The following ZNF540 variants were observed in gnomAD, a reference collection of about 807,000 sequenced individuals.
The protein encoded by ZNF540 is CTD-3064H18.6.
A neutral mutation model predicts 11.8 loss-of-function variants in ZNF540; 3 were observed. The observed-to-expected ratio is 0.25, with a 90% CI of 0.12 to 0.65. The LOEUF is 0.65. ZNF540 is among the 30% of genes least tolerant of loss of function. ZNF540 has a pLI of 0.83. For missense variants in ZNF540, 709 were observed against 793.1 expected, an observed-to-expected ratio of 0.89 and a Z score of 1.27; for synonymous variants, 247 against 259.0, an observed-to-expected ratio of 0.95 and a Z score of 0.45.
intron 1 of ZNF540, among the ~76,000 whole-genome samples, chr19:37,572,989 G>T (rs1227035442): frequency 2.0e-5 from 3 of 152,086 alleles, no homozygotes; most frequent in African/African-American, 7.2e-5. Flanking sequence ...ATTTGTACTA[G>T]TAGCTTCTTT....
chr19:37,584,920 C>T (rs1298030333), intron 1 of ZNF540, among the ~76,000 whole-genome samples: 1 of 149,758 alleles, frequency 6.7e-6, no homozygotes, highest in East Asian at 2.0e-4. Flanking sequence ...GCCGAGATTG[C>T]GCCACTGCAC....
intron 1 of ZNF540, among the ~76,000 whole-genome samples, chr19:37,573,832 CAAAAAAAAAAAAAGAAA>C (rs913200096): frequency 3.7e-4 from 44 of 117,788 alleles, no homozygotes; most frequent in Admixed American, 3.6e-4. Flanking sequence ...GATCCTGTTT[CAAAAAAAAAAAAAGAAA>C]GAAAAAGAAA....
chr19:37,568,319 C>T (rs942532848), intron 1 of ZNF540, among the ~76,000 whole-genome samples: 4 of 148,044 alleles, frequency 2.7e-5, no homozygotes, highest in African/African-American at 5.0e-5. Flanking sequence ...AAGCAACTAC[C>T]CCCCCCCACT....
chr19:37,585,730 C>CA (rs773039792), intron 1 of ZNF540: 4 of 152,186 alleles, frequency 2.6e-5, no homozygotes, highest in Non-Finnish European at 4.4e-5. Flanking sequence ...AATTTCGTTA[C>CA]AAAACCTATG....
At chr19:37,570,548 C>T (rs1049604344) in intron 1 of ZNF540, among the ~76,000 whole-genome samples, 3 of 152,144 alleles carry the variant, frequency 2.0e-5, no homozygotes, top group Non-Finnish European at 4.4e-5. Context: ...CATCATAGAA[C>T]TAATTGTATT....
Position 37,602,353 on chromosome 19 carries a change from A to T in ZNF540, c.232+1248A>T, listed in dbSNP as rs112975423. Among the ~76,000 whole-genome samples, 695 of 152,316 alleles carry T rather than the reference A, an allele frequency of 4.6e-3. 4 individuals are homozygous for T. The highest frequency in any genetic ancestry group is 0.016 in the African/African-American group (673 of 41,572). ...GAACAGAGATGGTAGGATGAGTTAT[A>T]TTAACTTGGGTGTCCAGCCAATCAA... is the stretch of plus-strand genomic sequence containing the variant. On this transcript the variant is annotated intron_variant, in intron 4 of 4. Coordinates refer to ENST00000316433, the MANE Select transcript of ZNF540 (RefSeq NM_001172225.3).
At chr19:37,566,101 A>G (rs764247062) in intron 1 of ZNF540, 1 of 1,614,052 alleles carries the variant, frequency 6.2e-7, no homozygotes, top group Non-Finnish European at 8.5e-7. Flanking sequence ...TAATTTTGAC[A>G]CACATGTAAA....
intron 1 of ZNF540, chr19:37,556,096 C>T: frequency 1.4e-6 from 1 of 701,730 alleles, no homozygotes; most frequent in Non-Finnish European, 2.6e-6. Context: ...AATCCTGCTG[C>T]AAGGTTGACA....
At chr19:37,556,065 G>C (rs10420552) in intron 1 of ZNF540, 1 of 702,516 alleles carries the variant, frequency 1.4e-6, no homozygotes, top group Non-Finnish European at 2.6e-6. Context: ...TCCACATCCA[G>C]TTTGGCTCCT....
intron 1 of ZNF540, chr19:37,586,540 G>T: frequency 9.7e-7 from 1 of 1,025,662 alleles, no homozygotes; most frequent in Non-Finnish European, 1.5e-6. Context: ...TTACTCGCTA[G>T]AATGGGAGAC....
At chr19:37,605,223 G>A (rs569081418) in intron 4 of ZNF540, among the ~76,000 whole-genome samples, 156 of 152,280 alleles carry the variant, frequency 1.0e-3, no homozygotes, top group African/African-American at 3.6e-3. Flanking sequence ...CACTTTGGGA[G>A]GCTAAGGCAG....
chr19:37,577,338 G>A (rs1308155648), intron 1 of ZNF540, among the ~76,000 whole-genome samples: 3 of 152,090 alleles, frequency 2.0e-5, no homozygotes, highest in African/African-American at 7.2e-5. Flanking sequence ...ACATCTGGAA[G>A]GTTTCATATT....
upstream of ZNF540, chr19:37,594,287 CG>C (rs995661510): frequency 2.6e-5 from 4 of 152,242 alleles, no homozygotes; most frequent in African/African-American, 7.2e-5. Flanking sequence ...CCGTGTCACA[CG>C]AGGAGTACTG....
intron 1 of ZNF540, among the ~76,000 whole-genome samples, chr19:37,553,263 A>T (rs1416346970): frequency 2.7e-5 from 4 of 150,602 alleles, no homozygotes; most frequent in African/African-American, 9.8e-5. Context: ...CCTCCTGAGT[A>T]GCTGGGTTAC....
At chr19:37,586,773 T>A in intron 1 of ZNF540, 1 of 1,322,192 alleles carries the variant, frequency 7.6e-7, no homozygotes, top group Non-Finnish European at 1.1e-6. Context: ...GCCACAAGAT[T>A]AGACTTGGCT....
intron 1 of ZNF540, chr19:37,560,602 C>G (rs1315806862): frequency 6.6e-6 from 1 of 152,016 alleles, no homozygotes; most frequent in Non-Finnish European, 1.5e-5. Flanking sequence ...AATTCCTGAC[C>G]TCATGATCCA....
intron 1 of ZNF540, chr19:37,556,006 A>T: frequency 5.7e-6 from 4 of 701,990 alleles, no homozygotes. Context: ...TTCCCAGGAC[A>T]GAGGTAAAAG....
At chr19:37,566,745 G>C (rs1392544095) in intron 1 of ZNF540, among the ~76,000 whole-genome samples, 5 of 152,014 alleles carry the variant, frequency 3.3e-5, no homozygotes, top group Non-Finnish European at 1.5e-5. Flanking sequence ...TTTCATCCTT[G>C]CTTCTATGAT....
Position 37,599,686 on chromosome 19 carries a change from G to C in ZNF540, c.70G>C (p.Asp24His). The C allele has an allele frequency of 6.2e-7, 1 of 1,613,810 alleles. No homozygotes were observed. Among genetic ancestry groups the C allele is most frequent in the South Asian group, 1.1e-5 (1 of 91,038 alleles). Residue 24 changes from aspartate to histidine, a missense_variant, in exon 3 of 5, where the codon GAC becomes CAC. Asp to His is a moderately conservative substitution (Grantham distance 81, BLOSUM62 -1). Coordinates refer to ENST00000316433, the MANE Select transcript of ZNF540 (RefSeq NM_001172225.3). ...CTCTCAGAAGGAATGGGAGTGCCTG[G>C]ACACTACCCAGAGGAAATTGTACAG... The part of the protein sequence containing the change: ...DFSQKEWECL[D>H]TTQRKLYRDV...
Sources: allele counts gnomAD v4.1 joint callset (sites outside exome capture counted in the v4.1 genomes callset), GRCh38; gene constraint gnomAD v4.1.1; transcripts MANE v1.5; gene names NCBI Gene and HGNC (gene_info 2026-07-23, HGNC 2026-07-21).